The following KIDINS220 variants were observed in gnomAD, a reference collection of about 807,000 sequenced individuals.
KIDINS220 encodes kinase D interacting substrate 220, also known as kinase D-interacting substrate of 220 kDa.
Under a neutral mutation model 157.6 loss-of-function variants are expected in KIDINS220, and 63 were observed. That is an observed-to-expected ratio of 0.40 (90% confidence interval 0.33 to 0.49). The LOEUF (loss-of-function observed/expected upper bound fraction) is 0.49, where lower values mean the gene tolerates loss of function less well. Among genes scored for constraint, KIDINS220 ranks in the 20% least tolerant of loss-of-function variants. KIDINS220 has a pLI of 0.66. For missense variants in KIDINS220, 1,772 were observed against 2,171.2 expected, an observed-to-expected ratio of 0.82 and a Z score of 3.65; for synonymous variants, 732 against 783.6, an observed-to-expected ratio of 0.93 and a Z score of 1.10.
At chr2:8,821,499 G>A (rs374846919) in intron 2 of KIDINS220, among the ~76,000 whole-genome samples, 7 of 152,190 alleles carry the variant, frequency 4.6e-5, no homozygotes, top group African/African-American at 1.7e-4. Context: ...CAGTGCTGGA[G>A]CTTTTGCTAC....
Position 8,779,670 on chromosome 2 carries a change from G to T in KIDINS220, c.2370+4C>A, listed in dbSNP as rs749156024. The T allele has an allele frequency of 1.2e-6, 2 of 1,612,058 alleles. No homozygotes were observed. Among genetic ancestry groups the T allele is most frequent in the Non-Finnish European group, 8.5e-7 (1 of 1,178,512 alleles). On this transcript the variant is annotated splice_donor_region_variant and intron_variant, in intron 18 of 29. Coordinates refer to ENST00000256707, the MANE Select transcript of KIDINS220 (RefSeq NM_020738.4). Reference sequence around the variant, plus strand: ...TGGTGGCTTTTGAGGTGGCGCAAACGTACAGTGTCCAGCATCTGAAGGACT... The same window carrying T: ...TGGTGGCTTTTGAGGTGGCGCAAACTTACAGTGTCCAGCATCTGAAGGACT...
chr2:8,784,795 A>T (rs1021907471), intron 17 of KIDINS220, among the ~76,000 whole-genome samples: 6 of 152,216 alleles, frequency 3.9e-5, no homozygotes, highest in Non-Finnish European at 5.9e-5. Flanking sequence ...GAGCAACAGG[A>T]GCCTCATTCA....
intron 21 of KIDINS220, among the ~76,000 whole-genome samples, chr2:8,774,196 T>C (rs565070906): frequency 3.4e-4 from 51 of 149,528 alleles, no homozygotes; most frequent in Non-Finnish European, 6.5e-4. Flanking sequence ...CTCGGGAGGC[T>C]GGGGCAGGAG....
At chr2:8,782,946 C>A (rs2148229354) in intron 17 of KIDINS220, among the ~76,000 whole-genome samples, 1 of 152,274 alleles carries the variant, frequency 6.6e-6, no homozygotes, top group Middle Eastern at 3.4e-3. Flanking sequence ...GTAATCCCAG[C>A]ACTTTGGGAG....
chr2:8,724,786 C>T (rs1469503810), downstream of KIDINS220: 1 of 152,194 alleles, frequency 6.6e-6, no homozygotes, highest in Non-Finnish European at 1.5e-5. The surrounding 1 kb of genome is among the most constrained non-coding windows in gnomAD (Gnocchi z 4.6). Context: ...ACCACCATTC[C>T]TGGCTAATTT....
At chr2:8,797,705 G>C (rs951218453) in intron 10 of KIDINS220, among the ~76,000 whole-genome samples, 2 of 152,110 alleles carry the variant, frequency 1.3e-5, no homozygotes, top group Non-Finnish European at 2.9e-5. Flanking sequence ...TTACACATAC[G>C]CTAAATAGGA....
chr2:8,785,645 T>A (rs1672291022), intron 17 of KIDINS220, 96 bp downstream of exon 17: 5 of 999,944 alleles, frequency 5.0e-6, no homozygotes, highest in Admixed American at 2.5e-5. Flanking sequence ...TGCAACACTT[T>A]AACATTTAGA....
downstream of KIDINS220, chr2:8,725,322 T>C (rs1663213687): frequency 6.6e-6 from 1 of 152,234 alleles, no homozygotes; most frequent in Non-Finnish European, 1.5e-5. Context: ...GAGGATGCTG[T>C]AAGATGCGCA....
At chr2:8,749,510 T>C (rs1667025925) in intron 24 of KIDINS220, 3 of 409,920 alleles carry the variant, frequency 7.3e-6, no homozygotes, top group African/African-American at 6.3e-5. Context: ...CCACTGATAA[T>C]TAGTTGCATT....
chr2:8,731,828 G>C lies in KIDINS220; in HGVS notation c.4208C>G (p.Ser1403Cys). ...AGAAGATCTGCCACTAATGGTTGTA[G>C]ACCCGGGGCCCCCTTCTAACTGGGA... ...QMSQLEGGPG[S>C]TTISGRSSPH... The change falls in exon 30 of 30, where the codon TCT becomes TGT. Residue 1403 changes from serine to cysteine, a missense_variant. Physicochemically the swap from Ser to Cys is moderately radical, Grantham distance 112. This residue lies in a region of KIDINS220 where 793 missense variants were observed against 885.5 expected (regional missense o/e 0.90). Transcript: ENST00000256707. This position sits in a 1 kb window ranked among gnomAD's most constrained non-coding sequence, Gnocchi z 5.2. 1 of 1,614,098 alleles carries C rather than the reference G, an allele frequency of 6.2e-7. No homozygotes were observed. The highest frequency in any genetic ancestry group is 8.5e-7 in the Non-Finnish European group (1 of 1,180,022).
At chr2:8,759,498 TA>T (rs1175557361) in intron 22 of KIDINS220, among the ~76,000 whole-genome samples, 1 of 150,376 alleles carries the variant, frequency 6.6e-6, no homozygotes, top group Non-Finnish European at 1.5e-5. Flanking sequence ...TTTAAAGGAT[TA>T]AAAAAACCCT....
intron 28 of KIDINS220, 151 bp downstream of exon 28, chr2:8,734,504 G>T (rs139193966): frequency 1.7e-6 from 1 of 579,258 alleles, no homozygotes; most frequent in African/African-American, 1.9e-5. Flanking sequence ...GCACATAAGT[G>T]TAAGAAGCAG....
intron 26 of KIDINS220, among the ~76,000 whole-genome samples, chr2:8,745,300 T>C (rs890243603): frequency 6.6e-6 from 1 of 152,218 alleles, no homozygotes; most frequent in Non-Finnish European, 1.5e-5. Context: ...CATTCTTGCA[T>C]ATAGTGATGA....
At chr2:8,824,608 A>G (rs1678471347) in intron 2 of KIDINS220, among the ~76,000 whole-genome samples, 1 of 152,148 alleles carries the variant, frequency 6.6e-6, no homozygotes, top group South Asian at 2.1e-4. Context: ...TGAGCCTGGG[A>G]GGTCGAGGCT....
downstream of KIDINS220, chr2:8,727,259 G>A (rs901181361): frequency 3.8e-5 from 41 of 1,072,794 alleles, no homozygotes; most frequent in Non-Finnish European, 4.1e-5. Flanking sequence ...GCCCAGTGTC[G>A]GCGTGCGCCT....
At chr2:8,816,074 T>C (rs1034906005) in intron 4 of KIDINS220, among the ~76,000 whole-genome samples, 1 of 152,150 alleles carries the variant, frequency 6.6e-6, no homozygotes. Flanking sequence ...TGGTCCTCAG[T>C]TTCCCCAACT....
chr2:8,731,927 A>G lies in KIDINS220; in HGVS notation c.4109T>C (p.Ile1370Thr), dbSNP rs1296594740. The change falls in exon 30 of 30, where the codon ATT (isoleucine) becomes ACT (threonine). Residue 1370 changes from isoleucine (I) to threonine (T), a missense_variant. Around this residue, in one of 3 missense-constraint regions of KIDINS220, gnomAD observed 793 missense variants for 885.5 expected, o/e 0.90. Coordinates refer to ENST00000256707, the MANE Select transcript of KIDINS220 (RefSeq NM_020738.4). The surrounding 1 kb of genome is among the most constrained non-coding windows in gnomAD (Gnocchi z 5.2). ...LSSLNSQDSS[I>T]EISKLTDKVQ... ...CTTATCAGTAAGCTTTGAAATTTCA[A>G]TACTGGAATCCTGGGAATTGAGACT... The G allele has an allele frequency of 1.2e-6, 2 of 1,611,172 alleles. No individual in the cohort carries two copies. Among genetic ancestry groups the G allele is most frequent in the Non-Finnish European group, 1.7e-6 (2 of 1,178,650 alleles).
At chr2:8,737,180 T>G in intron 26 of KIDINS220, 181 bp from the exon 27 acceptor site, 1 of 567,232 alleles carries the variant, frequency 1.8e-6, no homozygotes, top group Non-Finnish European at 3.0e-6. Context: ...TATAACCTAA[T>G]GAGTAGCTTT....
Position 8,779,869 on chromosome 2 carries a change from A to G in KIDINS220, c.2230-55T>C, listed in dbSNP as rs188717870. ...CTGAAGGAAGATCCAAGAAGCTTAAACATATTTCTTAGAAAGCGTGATAGA... is the reference window on the plus strand; with the variant it reads ...CTGAAGGAAGATCCAAGAAGCTTAAGCATATTTCTTAGAAAGCGTGATAGA... On this transcript the variant is annotated intron_variant, in intron 17 of 29. Transcript: ENST00000256707. 109 of 1,572,308 alleles carry G rather than the reference A, an allele frequency of 6.9e-5. No homozygotes were observed. The East Asian group carries it at 2.4e-3, about 34-fold the overall frequency.
Sources: gnomAD v4.1 joint callset for allele counts (sites outside exome capture counted in the v4.1 genomes callset) on GRCh38, gnomAD v4.1.1 for gene constraint, gnomAD v4.1.1 regional missense constraint, Gnocchi (gnomAD v3.1) non-coding constraint, MANE v1.5 for transcripts, NCBI Gene and HGNC (gene_info 2026-07-23, HGNC 2026-07-21) for gene names.